PDE1C: variants seen among roughly 807,000 people sequenced by gnomAD.
PDE1C encodes dual specificity calcium/calmodulin-dependent 3',5'-cyclic nucleotide phosphodiesterase 1C.
PDE1C carries 62 observed loss-of-function variants against 93.1 expected under a neutral mutation model. The observed-to-expected ratio is 0.67, with a 90% CI of 0.54 to 0.82. The LOEUF (loss-of-function observed/expected upper bound fraction) is 0.82, where lower values mean the gene tolerates loss of function less well. Ranked by LOEUF, PDE1C falls within the 40% of genes least tolerant of loss-of-function variation. PDE1C has a pLI of 0.00. For missense variants in PDE1C, 742 were observed against 884.6 expected, an observed-to-expected ratio of 0.84 and a Z score of 2.04; for synonymous variants, 325 against 310.1, an observed-to-expected ratio of 1.05 and a Z score of -0.50.
intron 6 of PDE1C, among the ~76,000 whole-genome samples, chr7:31,871,063 C>T (rs1160895761): frequency 1.3e-5 from 2 of 151,348 alleles, no homozygotes; most frequent in Admixed American, 6.6e-5. Flanking sequence ...AATAAGAAAC[C>T]CATAAATAAA....
chr7:32,198,442 T>C (rs12154559), intron 2 of PDE1C, among the ~76,000 whole-genome samples: 33,611 of 152,174 alleles, frequency 0.22, 4,344 homozygotes, highest in South Asian at 0.31. Flanking sequence ...CTCTGTTACA[T>C]AAAAATCAGA....
At position 32,361,118 on chromosome 7, in the gene PDE1C, G is replaced by A. The variant is rs573552838; in HGVS notation, c.310+66704C>T. Among the ~76,000 whole-genome samples the A allele has an allele frequency of 2.6e-4, 39 of 152,212 alleles. 2 individuals are homozygous for A. The South Asian group carries it at 7.1e-3, about 28-fold the overall frequency. Reference sequence around the variant, plus strand: ...CACCATGCAGGGCACCTTCACACCCGAGGCCTCATTCAGTACTCATAGCTT... The same window carrying A: ...CACCATGCAGGGCACCTTCACACCCAAGGCCTCATTCAGTACTCATAGCTT... On this transcript the variant is annotated intron_variant, in intron 1 of 1. Coordinates refer to the PDE1C transcript ENST00000672256.
intron 1 of PDE1C, among the ~76,000 whole-genome samples, chr7:32,378,606 C>A (rs2128089609): frequency 6.6e-6 from 1 of 152,262 alleles, no homozygotes; most frequent in East Asian, 1.9e-4. Context: ...ATTGTAGAAC[C>A]TAATATTTGC....
chr7:31,701,499 AC>A, the PDE1C span, among the ~76,000 whole-genome samples: 1 of 152,250 alleles, frequency 6.6e-6, no homozygotes, highest in Non-Finnish European at 1.5e-5. Flanking sequence ...TGTTGAAATG[AC>A]AACAAAGGGT....
intron 2 of PDE1C, among the ~76,000 whole-genome samples, chr7:31,928,402 C>A (rs1459250772): frequency 6.6e-6 from 1 of 152,018 alleles, no homozygotes; most frequent in Non-Finnish European, 1.5e-5. Flanking sequence ...AGCAAGACAG[C>A]CAAACATTCA....
intron 3 of PDE1C, chr7:32,077,855 T>A: frequency 1.0e-6 from 1 of 959,516 alleles, no homozygotes. Context: ...AGGCATACTT[T>A]ATTATTATTA....
At chr7:32,011,410 T>C (rs1240421612) in intron 2 of PDE1C, among the ~76,000 whole-genome samples, 1 of 152,132 alleles carries the variant, frequency 6.6e-6, no homozygotes, top group Admixed American at 6.6e-5. Context: ...GCCAGGATGG[T>C]CTCGATCTCC....
chr7:32,374,244 A>AAGAGAG (rs1784387270), intron 1 of PDE1C, among the ~76,000 whole-genome samples: 6 of 137,260 alleles, frequency 4.4e-5, no homozygotes, highest in African/African-American at 1.6e-4. Flanking sequence ...GAAAGAAGGA[A>AAGAGAG]GGAAAGGAAA....
chr7:31,888,895 A>G (rs1393156946), intron 2 of PDE1C, among the ~76,000 whole-genome samples: 1 of 152,330 alleles, frequency 6.6e-6, no homozygotes, highest in East Asian at 1.9e-4. Flanking sequence ...AAACAATTAG[A>G]AAATGGTACC....
upstream of PDE1C, among the ~76,000 whole-genome samples, chr7:32,072,174 G>A (rs752062338): frequency 6.6e-6 from 1 of 152,150 alleles, no homozygotes; most frequent in Non-Finnish European, 1.5e-5. Context: ...GAACTTAGAG[G>A]TGAGAGTGAT....
chr7:31,692,194 C>G, the PDE1C span, among the ~76,000 whole-genome samples: 1 of 152,128 alleles, frequency 6.6e-6, no homozygotes, highest in East Asian at 1.9e-4. Context: ...ATGAATAAAT[C>G]TGTCAGTGTG....
intron 1 of PDE1C, among the ~76,000 whole-genome samples, chr7:32,410,881 T>C (rs1785156472): frequency 6.6e-6 from 1 of 152,170 alleles, no homozygotes; most frequent in African/African-American, 2.4e-5. Context: ...AGTCTCTGGG[T>C]GCTTCAACAT....
chr7:32,255,473 T>C (rs1809723425), intron 1 of PDE1C, among the ~76,000 whole-genome samples: 1 of 152,200 alleles, frequency 6.6e-6, no homozygotes. Context: ...GATGGAGCCA[T>C]AGTTTTACAT....
At chr7:31,812,480 C>T (rs920127751) in intron 15 of PDE1C, among the ~76,000 whole-genome samples, 5 of 152,114 alleles carry the variant, frequency 3.3e-5, no homozygotes, top group Non-Finnish European at 7.4e-5. Flanking sequence ...AAACCTGGCC[C>T]TACTGCCTGG....
intron 1 of PDE1C, among the ~76,000 whole-genome samples, chr7:32,319,999 G>A (rs1359399293): frequency 6.6e-6 from 1 of 152,314 alleles, no homozygotes; most frequent in East Asian, 1.9e-4. Context: ...TAGGGACAGA[G>A]CAAAGCTTCC....
chr7:32,392,970 A>C lies in PDE1C; in HGVS notation c.310+34852T>G, dbSNP rs376010431. Among the ~76,000 whole-genome samples the C allele has an allele frequency of 6.3e-4, 90 of 142,356 alleles. 1 individual carries two copies. The South Asian group carries it at 0.021, about 33-fold the overall frequency. 93.4% of individuals were successfully genotyped at this position (142,356 alleles called of 152,430 possible). The stretch of plus-strand genomic sequence containing the variant: ...AGGCTGAGACAGGAGAATCACTTGA[A>C]TCCTGGAGGCAGAGGTTGCAGAGAG... On this transcript the variant is annotated intron_variant, in intron 1 of 1. Coordinates refer to the PDE1C transcript ENST00000672256.
chr7:32,369,000 G>A (rs181346305), intron 1 of PDE1C, among the ~76,000 whole-genome samples: 31 of 152,152 alleles, frequency 2.0e-4, no homozygotes, highest in Middle Eastern at 3.4e-3. Context: ...CAACTCAATG[G>A]ATCAAAGACC....
the PDE1C span, among the ~76,000 whole-genome samples, chr7:31,622,353 G>A: frequency 6.6e-6 from 1 of 152,020 alleles, no homozygotes; most frequent in South Asian, 2.1e-4. Flanking sequence ...CCAGATAGTT[G>A]GAAGTAAAGC....
chr7:32,310,973 T>C (rs1459608637), intron 1 of PDE1C, among the ~76,000 whole-genome samples: 4 of 152,118 alleles, frequency 2.6e-5, no homozygotes, highest in Non-Finnish European at 1.5e-5. Context: ...AGCTGCTTTT[T>C]TGAAAAGATC....
Sources: gnomAD v4.1 joint callset for allele counts (sites outside exome capture counted in the v4.1 genomes callset) on GRCh38, gnomAD v4.1.1 for gene constraint, MANE v1.5 for transcripts, NCBI Gene and HGNC (gene_info 2026-07-23, HGNC 2026-07-21) for gene names.